Variants in LRRTM3 observed in about 807,000 individuals in gnomAD.
LRRTM3 encodes the protein leucine-rich repeat transmembrane neuronal protein 3.
In LRRTM3, 24 loss-of-function variants were observed where a neutral mutation model predicts 44.7. That is an observed-to-expected ratio of 0.54 (90% CI 0.39 to 0.76). The LOEUF (loss-of-function observed/expected upper bound fraction) is 0.76, where lower values mean the gene tolerates loss of function less well. LRRTM3 is among the 30% of genes least tolerant of loss of function. The pLI is 0.00. For synonymous variants in LRRTM3, 277 were observed against 278.7 expected, an observed-to-expected ratio of 0.99 and a Z score of 0.06; for missense variants, 587 against 702.2, an observed-to-expected ratio of 0.84 and a Z score of 1.85.
chr10:66,980,552 A>G (rs745899496), intron 2 of LRRTM3, among the ~76,000 whole-genome samples: 8 of 152,082 alleles, frequency 5.3e-5, no homozygotes, highest in Admixed American at 2.6e-4. Flanking sequence ...AACCAAAACT[A>G]TTGAGACCTT....
At chr10:67,026,354 AACATTTTGTAAATAT>A (rs1462220619) in intron 2 of LRRTM3, among the ~76,000 whole-genome samples, 5 of 152,096 alleles carry the variant, frequency 3.3e-5, no homozygotes, top group East Asian at 1.9e-4. Flanking sequence ...ATATTTTTGG[AACATTTTGTAAATAT>A]ACATTTTGTA....
intron 2 of LRRTM3, among the ~76,000 whole-genome samples, chr10:66,993,217 G>A (rs1851137580): frequency 6.6e-6 from 1 of 152,022 alleles, no homozygotes; most frequent in African/African-American, 2.4e-5. Flanking sequence ...ATCTCTATGT[G>A]GCTATTTGAG....
rs374092489 is a variant in LRRTM3 at position 66,948,496 on chromosome 10, G to A, written c.1536+20044G>A. 8.5e-5 allele frequency among the ~76,000 whole-genome samples: 13 copies of A among 152,146 alleles called. 1 individual carries two copies. The highest frequency in any genetic ancestry group is 3.9e-4 in the Admixed American group (6 of 15,278). ...ATGTGACACTTTGTGACAACTGACCGATTCTTATTTTCAATGCTCTCAATT... is the reference window on the plus strand; with the variant it reads ...ATGTGACACTTTGTGACAACTGACCAATTCTTATTTTCAATGCTCTCAATT... On this transcript the variant is annotated intron_variant, in intron 2 of 2. Coordinates refer to ENST00000361320, the MANE Select transcript of LRRTM3 (RefSeq NM_178011.5).
intron 2 of LRRTM3, among the ~76,000 whole-genome samples, chr10:66,971,779 T>C (rs1849738043): frequency 6.6e-6 from 1 of 152,178 alleles, no homozygotes; most frequent in Non-Finnish European, 1.5e-5. Flanking sequence ...ACATAATTTA[T>C]TTTAATTACA....
chr10:67,063,454 G>C (rs1289583010), intron 2 of LRRTM3, among the ~76,000 whole-genome samples: 1 of 152,168 alleles, frequency 6.6e-6, no homozygotes, highest in Non-Finnish European at 1.5e-5. Flanking sequence ...AGTACTCCAA[G>C]TTCCAACAGT....
chr10:67,067,046 C>T (rs1263582890), intron 2 of LRRTM3, among the ~76,000 whole-genome samples: 1 of 152,080 alleles, frequency 6.6e-6, no homozygotes, highest in Non-Finnish European at 1.5e-5. Context: ...TTAAAAGTGG[C>T]AACCACTTCT....
intron 2 of LRRTM3, among the ~76,000 whole-genome samples, chr10:67,079,858 A>AACACACACACACACACACACAC (rs199928311): frequency 7.1e-6 from 1 of 141,266 alleles, no homozygotes; most frequent in Non-Finnish European, 1.5e-5. Flanking sequence ...AAAAAAACAA[A>AACACACACACACACACACACAC]ACACACACAC....
At chr10:66,998,071 A>G (rs1589573023) in intron 2 of LRRTM3, among the ~76,000 whole-genome samples, 2 of 152,122 alleles carry the variant, frequency 1.3e-5, no homozygotes, top group East Asian at 3.9e-4. Flanking sequence ...TCATTCTTCT[A>G]CAACAATTGT....
intron 2 of LRRTM3, among the ~76,000 whole-genome samples, chr10:66,945,775 C>A (rs1341910101): frequency 1.3e-5 from 2 of 151,986 alleles, no homozygotes; most frequent in Non-Finnish European, 2.9e-5. Context: ...ACTTAGAGAC[C>A]ACTGTAGGGT....
intron 2 of LRRTM3, among the ~76,000 whole-genome samples, chr10:67,090,362 A>G (rs1398483516): frequency 1.3e-5 from 2 of 152,154 alleles, no homozygotes; most frequent in Non-Finnish European, 2.9e-5. Flanking sequence ...ATAAAACTAC[A>G]GTATAAACAT....
At chr10:67,053,352 A>C (rs1855228120) in intron 2 of LRRTM3, among the ~76,000 whole-genome samples, 1 of 152,164 alleles carries the variant, frequency 6.6e-6, no homozygotes, top group Non-Finnish European at 1.5e-5. Flanking sequence ...CTGAGGTGAG[A>C]TAGAAGAAGT....
intron 2 of LRRTM3, among the ~76,000 whole-genome samples, chr10:66,983,411 G>A (rs2132892284): frequency 6.6e-6 from 1 of 152,238 alleles, no homozygotes; most frequent in South Asian, 2.1e-4. Context: ...TTTTGTACGG[G>A]TGCCCAGGCA....
chr10:67,056,256 C>G (rs1855422440), intron 2 of LRRTM3, among the ~76,000 whole-genome samples: 1 of 151,978 alleles, frequency 6.6e-6, no homozygotes, highest in Non-Finnish European at 1.5e-5. Context: ...GCCTGTGGAC[C>G]CACTAGGATG....
intron 2 of LRRTM3, among the ~76,000 whole-genome samples, chr10:67,078,511 C>T (rs1254937877): frequency 6.7e-6 from 1 of 148,916 alleles, no homozygotes; most frequent in Non-Finnish European, 1.5e-5. Context: ...TTTTCTGATA[C>T]CTTTTTTATT....
At chr10:66,996,649 C>CAAAAAATAAAAA (rs1851364636) in intron 2 of LRRTM3, among the ~76,000 whole-genome samples, 1 of 67,644 alleles carries the variant, frequency 1.5e-5, no homozygotes, top group Non-Finnish European at 2.5e-5. Context: ...TCCGTCTCTA[C>CAAAAAATAAAAA]AAAAAAAAAA....
intron 2 of LRRTM3, among the ~76,000 whole-genome samples, chr10:66,998,713 T>C (rs1851509381): frequency 6.6e-6 from 1 of 152,096 alleles, no homozygotes; most frequent in African/African-American, 2.4e-5. Context: ...ATATACAAAG[T>C]AAAATTGAGA....
intron 2 of LRRTM3, among the ~76,000 whole-genome samples, chr10:66,970,276 G>A (rs1849645215): frequency 6.6e-6 from 1 of 151,996 alleles, no homozygotes; most frequent in Admixed American, 6.6e-5. Context: ...ATGGCTATTG[G>A]GATTTCTTTA....
At chr10:67,015,932 C>A (rs1852628359) in intron 2 of LRRTM3, among the ~76,000 whole-genome samples, 1 of 152,072 alleles carries the variant, frequency 6.6e-6, no homozygotes, top group Non-Finnish European at 1.5e-5. Flanking sequence ...ATTTGTGTTG[C>A]TTCCAGTGTC....
chr10:67,082,573 A>G (rs762356135), intron 2 of LRRTM3, among the ~76,000 whole-genome samples: 1 of 152,174 alleles, frequency 6.6e-6, no homozygotes, highest in African/African-American at 2.4e-5. Flanking sequence ...CAATTACTTC[A>G]CAAGCCTCCT....
Sources: allele counts gnomAD v4.1 joint callset (sites outside exome capture counted in the v4.1 genomes callset), GRCh38; gene constraint gnomAD v4.1.1; transcripts MANE v1.5; gene names NCBI Gene and HGNC (gene_info 2026-07-23, HGNC 2026-07-21).